The following LRRC7 variants were observed in gnomAD, a reference collection of about 807,000 sequenced individuals.
LRRC7 encodes the protein leucine rich repeat containing 7.
LRRC7 carries 23 observed loss-of-function variants against 175.7 expected under a neutral mutation model. The ratio of observed to expected loss-of-function variants is 0.13; its 90% confidence interval spans 0.09 to 0.19. LRRC7 has a LOEUF of 0.19. LRRC7 is among the 10% of genes least tolerant of loss of function. LRRC7 has a pLI of 1.00. For missense variants in LRRC7, 1,354 were observed against 1,904.7 expected (o/e 0.71, Z 5.38); for synonymous variants, 685 against 680.9 (o/e 1.01, Z -0.09).
intron 2 of LRRC7, among the ~76,000 whole-genome samples, chr1:69,741,286 T>C (rs1019021507): frequency 6.6e-6 from 1 of 152,054 alleles, no homozygotes; most frequent in Admixed American, 6.6e-5. Context: ...AGCATTCCTA[T>C]ACTATCCATT....
In LRRC7 at chr1:69,852,871, GTGTAT is replaced by G. The variant is rs372206413; in HGVS notation, c.647+14593_647+14597del. Among the ~76,000 whole-genome samples, 3 of 152,264 alleles carry G rather than the reference GTGTAT, an allele frequency of 2.0e-5. No homozygotes were observed. The East Asian group carries it at 5.8e-4, about 29-fold the overall frequency. Reference sequence around the variant, plus strand: ...AGAAAGAAATGATGAAGAAGTTACAGTGTATTGTAAGGCAATATGGCCTTTTCTAG... The same window carrying G: ...AGAAAGAAATGATGAAGAAGTTACAGTGTAAGGCAATATGGCCTTTTCTAG... On this transcript the variant is annotated intron_variant, in intron 7 of 26. Coordinates refer to ENST00000651989, the MANE Select transcript of LRRC7 (RefSeq NM_001370785.2).
At chr1:70,093,361 G>C (rs1664164055) in intron 25 of LRRC7, among the ~76,000 whole-genome samples, 1 of 152,096 alleles carries the variant, frequency 6.6e-6, no homozygotes, top group Non-Finnish European at 1.5e-5. Flanking sequence ...ATTTCTGTTA[G>C]TTGAGTAGTA....
intron 3 of LRRC7, among the ~76,000 whole-genome samples, chr1:69,790,584 C>CT (rs972131029): frequency 6.6e-6 from 1 of 151,748 alleles, no homozygotes; most frequent in Non-Finnish European, 1.5e-5. Flanking sequence ...AAGACAATTG[C>CT]TTTTTTTAAG....
At chr1:69,604,889 G>A (rs146226848) in intron 1 of LRRC7, among the ~76,000 whole-genome samples, 1 of 152,266 alleles carries the variant, frequency 6.6e-6, no homozygotes, top group East Asian at 1.9e-4. Flanking sequence ...AATTAGAAAA[G>A]ACACTTCATG....
At chr1:69,618,555 T>A (rs1650048658) in intron 1 of LRRC7, among the ~76,000 whole-genome samples, 1 of 152,238 alleles carries the variant, frequency 6.6e-6, no homozygotes, top group African/African-American at 2.4e-5. Flanking sequence ...CAGAGACAAT[T>A]GTTTTTGGTC....
chr1:69,686,530 C>T (rs1352568977), intron 2 of LRRC7, among the ~76,000 whole-genome samples: 1 of 152,020 alleles, frequency 6.6e-6, no homozygotes, highest in Non-Finnish European at 1.5e-5. Flanking sequence ...ACACTGATAC[C>T]AGTAGACTGT....
chr1:69,846,761 C>A (rs1276817756), intron 7 of LRRC7, among the ~76,000 whole-genome samples: 4 of 151,760 alleles, frequency 2.6e-5, no homozygotes, highest in Non-Finnish European at 4.4e-5. Flanking sequence ...ATCATTTAGA[C>A]CCAGGAAAAA....
chr1:69,854,772 A>C (rs1404456734), intron 7 of LRRC7, among the ~76,000 whole-genome samples: 1 of 152,202 alleles, frequency 6.6e-6, no homozygotes, highest in African/African-American at 2.4e-5. Context: ...AAATTTTAAA[A>C]ATATGCCAGC....
rs1185301290 is a variant in LRRC7 at position 70,139,823 on chromosome 1, C to G, written c.*17936C>G. 6.6e-6 allele frequency: 1 copy of G among 152,116 alleles called. No homozygotes were observed. Among genetic ancestry groups the G allele is most frequent in the Non-Finnish European group, 1.5e-5 (1 of 68,022 alleles). 9.4% of individuals were successfully genotyped at this position (152,116 alleles called of 1,614,324 possible). A position where few individuals can be genotyped will look rare whatever the true frequency, so the allele number is the denominator to read the frequency against. Reference sequence around the variant, plus strand: ...ACATGTAGGTCCTTCTCAGATTATGCTGAAACTCCAAATCCTTGTTAAAGG... The same window carrying G: ...ACATGTAGGTCCTTCTCAGATTATGGTGAAACTCCAAATCCTTGTTAAAGG... On this transcript the variant is annotated 3_prime_UTR_variant, in exon 27 of 27. Coordinates refer to ENST00000651989, the MANE Select transcript of LRRC7 (RefSeq NM_001370785.2).
At chr1:69,879,093 A>G (rs895541037) in intron 7 of LRRC7, among the ~76,000 whole-genome samples, 7 of 149,874 alleles carry the variant, frequency 4.7e-5, no homozygotes, top group Non-Finnish European at 7.4e-5. Flanking sequence ...AGTTGAAACA[A>G]TGTACCACTC....
At chr1:69,671,387 T>C (rs574057955) in intron 1 of LRRC7, among the ~76,000 whole-genome samples, 2 of 152,256 alleles carry the variant, frequency 1.3e-5, no homozygotes, top group East Asian at 3.9e-4. Context: ...AAAGTTTTCT[T>C]ACTCTTTTCT....
In LRRC7 at chr1:69,702,182, C is replaced by T. The variant is rs368466977; in HGVS notation, c.100+23704C>T. On this transcript the variant is annotated intron_variant, in intron 2 of 26. Coordinates refer to ENST00000651989, the MANE Select transcript of LRRC7 (RefSeq NM_001370785.2). ...CATGCCCAGAGAATGAATAATGTTA[C>T]CTATCTGCTCGTGGGTCATCACACA... Among the ~76,000 whole-genome samples the T allele has an allele frequency of 2.2e-4, 33 of 152,254 alleles. No individual in the cohort carries two copies. The East Asian group carries it at 6.2e-3, about 29-fold the overall frequency.
chr1:69,810,724 A>G (rs1028410973), intron 4 of LRRC7, among the ~76,000 whole-genome samples: 1 of 152,244 alleles, frequency 6.6e-6, no homozygotes, highest in Non-Finnish European at 1.5e-5. Flanking sequence ...AGCCATATGC[A>G]GAAAACTGAA....
chr1:69,912,746 CTA>C (rs1424992933), intron 7 of LRRC7, among the ~76,000 whole-genome samples: 1 of 152,148 alleles, frequency 6.6e-6, no homozygotes, highest in Non-Finnish European at 1.5e-5. Flanking sequence ...TTCAAGAAGA[CTA>C]TATAGAAAGT....
intron 3 of LRRC7, among the ~76,000 whole-genome samples, chr1:69,781,849 G>T (rs1194389672): frequency 1.0e-5 from 1 of 97,062 alleles, no homozygotes; most frequent in Admixed American, 1.1e-4. Flanking sequence ...AAGGAAGGGA[G>T]AGAAAGAAAG....
chr1:70,085,649 C>A (rs1481338943), intron 24 of LRRC7, among the ~76,000 whole-genome samples: 6 of 151,974 alleles, frequency 3.9e-5, no homozygotes, highest in Non-Finnish European at 7.4e-5. Context: ...GGTTTTTTTA[C>A]CTACTCCATC....
Position 69,998,153 on chromosome 1 carries a change from G to C in LRRC7, c.1004+3520G>C, listed in dbSNP as rs141762855. On this transcript the variant is annotated intron_variant, in intron 11 of 26. Transcript: ENST00000651989. ...TTAAATAGCTTTATTAAGTATAATT[G>C]ACATACAAAAAACTGCACATATTTA... 5.4e-3 allele frequency among the ~76,000 whole-genome samples: 828 copies of C among 152,174 alleles called. 7 individuals are homozygous for C. Among genetic ancestry groups the C allele is most frequent in the African/African-American group, 0.018 (754 of 41,520 alleles).
At chr1:70,115,124 GTA>G (rs1665764443) in intron 26 of LRRC7, among the ~76,000 whole-genome samples, 1 of 152,158 alleles carries the variant, frequency 6.6e-6, no homozygotes, top group Non-Finnish European at 1.5e-5. Context: ...AGTAAACTGT[GTA>G]TGTATTCAGG....
intron 7 of LRRC7, among the ~76,000 whole-genome samples, chr1:69,840,930 T>A (rs1483704485): frequency 6.6e-6 from 1 of 152,150 alleles, no homozygotes; most frequent in Non-Finnish European, 1.5e-5. Context: ...AGAAAATGTG[T>A]AGATGGTAGA....
Sources: allele counts gnomAD v4.1 joint callset (sites outside exome capture counted in the v4.1 genomes callset), GRCh38; gene constraint gnomAD v4.1.1; transcripts MANE v1.5; gene names NCBI Gene and HGNC (gene_info 2026-07-23, HGNC 2026-07-21).